TANC1: variants seen among roughly 807,000 people sequenced by gnomAD.
TANC1 encodes protein TANC1.
Under a neutral mutation model 149.7 loss-of-function variants are expected in TANC1, and 77 were observed. The ratio of observed to expected loss-of-function variants is 0.51; its 90% CI spans 0.43 to 0.62. The LOEUF is 0.62. TANC1 is among the 20% of genes least tolerant of loss of function. The pLI is 0.00. For missense variants in TANC1, 1,985 were observed against 2,321.8 expected (o/e 0.85, Z 2.98); for synonymous variants, 854 against 925.0 (o/e 0.92, Z 1.39).
chr2:159,000,228 GA>G (rs889089077), intron 1 of TANC1, among the ~76,000 whole-genome samples: 3 of 152,114 alleles, frequency 2.0e-5, no homozygotes, highest in African/African-American at 7.2e-5. Flanking sequence ...GAGCTGTGAA[GA>G]AGGTTGGCTT....
intron 4 of TANC1, among the ~76,000 whole-genome samples, chr2:159,129,670 T>C (rs2049872680): frequency 6.6e-6 from 1 of 152,206 alleles, no homozygotes; most frequent in South Asian, 2.1e-4. Context: ...AAGGGTCCTT[T>C]ATAACTTTGA....
intron 2 of TANC1, among the ~76,000 whole-genome samples, chr2:159,036,471 T>C (rs2040201880): frequency 6.6e-6 from 1 of 152,170 alleles, no homozygotes; most frequent in African/African-American, 2.4e-5. Flanking sequence ...TAAGTCATCA[T>C]TTACATTAGG....
At position 159,101,763 on chromosome 2, in the gene TANC1, G is replaced by C. The variant is rs1360474536; in HGVS notation, c.259+3929G>C. Among the ~76,000 whole-genome samples the C allele has an allele frequency of 3.9e-5, 6 of 152,202 alleles. No homozygotes were observed. The East Asian group carries it at 1.2e-3, about 29-fold the overall frequency. On this transcript the variant is annotated intron_variant, in intron 4 of 26. Coordinates refer to ENST00000263635, the MANE Select transcript of TANC1 (RefSeq NM_033394.3). ...GTAATATCATTAGATACTTTATAAAGTATCTGCATTTATTTTCCCAGATCA... is the reference window on the plus strand; with the variant it reads ...GTAATATCATTAGATACTTTATAAACTATCTGCATTTATTTTCCCAGATCA...
At chr2:159,164,660 G>A (rs755255297) in intron 8 of TANC1, among the ~76,000 whole-genome samples, 1 of 152,130 alleles carries the variant, frequency 6.6e-6, no homozygotes, top group Non-Finnish European at 1.5e-5. Context: ...ACTACTGCAG[G>A]GACCCAGATT....
Position 159,150,468 on chromosome 2 carries a change from T to C in TANC1, c.594T>C (p.Cys198=), listed in dbSNP as rs769542461. The C allele has an allele frequency of 6.2e-6, 10 of 1,614,134 alleles. No individual in the cohort carries two copies. The highest frequency in any genetic ancestry group is 8.5e-6 in the Non-Finnish European group (10 of 1,179,988). Residue 198 remains cysteine (C), a synonymous_variant, in exon 7 of 27, where the codon TGT becomes TGC. Coordinates refer to ENST00000263635, the MANE Select transcript of TANC1 (RefSeq NM_033394.3). The part of the protein sequence containing the change: ...TDSPCSTLNS[C]VSKTAANKSP... ...GCCCCTGCTCAACCTTGAATAGCTG[T>C]GTCAGCAAGACGGCAGCCAACAAAA...
At chr2:159,003,195 T>A (rs898563532) in intron 2 of TANC1, among the ~76,000 whole-genome samples, 11 of 152,216 alleles carry the variant, frequency 7.2e-5, no homozygotes, top group Non-Finnish European at 1.5e-4. Context: ...TGGTGCCAAA[T>A]TCAGATTGAT....
chr2:159,226,402 C>T (rs1053896518), intron 24 of TANC1: 1 of 152,656 alleles, frequency 6.6e-6, no homozygotes, highest in Non-Finnish European at 1.5e-5. Context: ...TTCCTCAGCC[C>T]TTCACATTCT....
At chr2:159,195,708 C>T (rs905269208) in intron 17 of TANC1, among the ~76,000 whole-genome samples, 1 of 152,218 alleles carries the variant, frequency 6.6e-6, no homozygotes, top group Non-Finnish European at 1.5e-5. Flanking sequence ...GGGTATGTTA[C>T]TGCTGCACAT....
At position 159,172,115 on chromosome 2, in the gene TANC1, C is replaced by A; in HGVS notation, c.1352-6C>A. On this transcript the variant is annotated splice_polypyrimidine_tract_variant and splice_region_variant and intron_variant, in intron 10 of 26. Transcript: ENST00000263635. ...TGTACATAATGAAATGGGTCTTTCT[C>A]TGCAGCCTCTGACCCCACTCAGGAT... 2 of 1,613,836 alleles carry A rather than the reference C, an allele frequency of 1.2e-6. No homozygotes were observed. The highest frequency in any genetic ancestry group is 1.1e-5 in the South Asian group (1 of 91,040).
At chr2:159,138,387 G>C (rs112755057) in intron 5 of TANC1, among the ~76,000 whole-genome samples, 22 of 152,256 alleles carry the variant, frequency 1.4e-4, no homozygotes, top group African/African-American at 4.6e-4. Context: ...AGGAGAGGTG[G>C]CTGCCTAACA....
rs772025966 is a variant in TANC1 at position 159,230,257 on chromosome 2, T to C, written c.4831T>C (p.Cys1611Arg). ...CCCCAGCCAGAATGTCCGCCTGCAG[T>C]GTGGTGAGAATGGCCCTGCACACCC... ...LGPSQNVRLQ[C>R]GENGPAHPLP... The change falls in exon 27 of 27, where the codon TGT (cysteine) becomes CGT (arginine). Residue 1611 changes from cysteine (C) to arginine (R), a missense_variant. Physicochemically the swap from Cys to Arg is radical, Grantham distance 180 (BLOSUM62 -3). Around this residue, in one of 3 missense-constraint regions of TANC1, gnomAD observed 920 missense variants for 994.7 expected, o/e 0.92. Transcript: ENST00000263635. The surrounding 1 kb of genome is among the most constrained non-coding windows in gnomAD (Gnocchi z 4.4). The C allele has an allele frequency of 3.7e-6, 6 of 1,613,942 alleles. No individual in the cohort carries two copies. The East Asian group carries it at 1.1e-4, about 30-fold the overall frequency.
At chr2:158,999,804 CACTT>C (rs1433962107) in intron 1 of TANC1, among the ~76,000 whole-genome samples, 1 of 152,216 alleles carries the variant, frequency 6.6e-6, no homozygotes. Flanking sequence ...ATTTATTCAA[CACTT>C]ACTGGCACTT....
intron 19 of TANC1, among the ~76,000 whole-genome samples, chr2:159,202,624 A>G (rs987528197): frequency 1.2e-4 from 18 of 152,134 alleles, no homozygotes; most frequent in Non-Finnish European, 2.9e-5. Context: ...GTGGAGAATA[A>G]GTAGTATGAT....
intron 19 of TANC1, among the ~76,000 whole-genome samples, chr2:159,213,989 G>A (rs966718904): frequency 6.6e-6 from 1 of 151,936 alleles, no homozygotes; most frequent in Non-Finnish European, 1.5e-5. Flanking sequence ...AGCCGGGCTT[G>A]GGGGCTCGTG....
At chr2:159,092,357 G>A (rs2045643417) in intron 3 of TANC1, among the ~76,000 whole-genome samples, 1 of 152,024 alleles carries the variant, frequency 6.6e-6, no homozygotes, top group Non-Finnish European at 1.5e-5. Context: ...TGCACTCTAT[G>A]TACTTTAATC....
intron 4 of TANC1, among the ~76,000 whole-genome samples, chr2:159,109,942 A>C (rs1034715424): frequency 3.3e-5 from 5 of 152,216 alleles, no homozygotes; most frequent in African/African-American, 1.2e-4. Context: ...ATAAAGAAAA[A>C]ACATTGTATG....
rs1335645555 is a variant in TANC1, at chr2:159,014,190, A to G, written c.-16+13001A>G. On this transcript the variant is annotated intron_variant, in intron 2 of 26. Coordinates refer to ENST00000263635, the MANE Select transcript of TANC1 (RefSeq NM_033394.3). ...CTGAGACTGGGCAATTTACAAAAGA[A>G]AGAGGTTTAATTGGGCTTACAGTTC... Among the ~76,000 whole-genome samples the G allele has an allele frequency of 2.0e-5, 3 of 152,316 alleles. No individual in the cohort carries two copies. The East Asian group carries it at 5.8e-4, about 29-fold the overall frequency.
Position 159,178,604 on chromosome 2 carries a change from C to G in TANC1, c.1951C>G (p.Pro651Ala), listed in dbSNP as rs538508260. Residue 651 changes from proline (P) to alanine (A), a missense_variant, in exon 14 of 27, where the codon CCA (proline) becomes GCA (alanine). By Grantham distance (27) the Pro-to-Ala change is conservative. Transcript: ENST00000263635. ...TGTCAAGCTTTCCTTAGATGACTTC[C>G]CAGACAACAAAGACATCCACAGTGA... ...PFVKLSLDDF[P>A]DNKDIHSDLH... is the part of the protein sequence containing the mutation. 2 of 1,605,178 alleles carry G rather than the reference C, an allele frequency of 1.2e-6. No homozygotes were observed. The highest frequency in any genetic ancestry group is 1.3e-5 in the African/African-American group (1 of 74,726).
chr2:159,125,697 C>G (rs1211787627), intron 4 of TANC1, among the ~76,000 whole-genome samples: 1 of 151,804 alleles, frequency 6.6e-6, no homozygotes, highest in Admixed American at 6.6e-5. Flanking sequence ...TCAAGCAATT[C>G]TCCTGCCTCA....
Sources: allele counts gnomAD v4.1 joint callset (sites outside exome capture counted in the v4.1 genomes callset), GRCh38; gene constraint gnomAD v4.1.1; regional missense constraint gnomAD v4.1.1; non-coding constraint Gnocchi (gnomAD v3.1); transcripts MANE v1.5; gene names NCBI Gene and HGNC (gene_info 2026-07-23, HGNC 2026-07-21).